Variants in DCDC2C observed in about 807,000 individuals in gnomAD.
DCDC2C encodes the protein doublecortin domain containing 2C, also known as doublecortin domain-containing protein 2C.
DCDC2C carries 44 observed loss-of-function variants against 45.0 expected under a neutral mutation model. The observed-to-expected ratio is 0.98, with a 90% confidence interval of 0.77 to 1.26. The LOEUF (loss-of-function observed/expected upper bound fraction) is 1.26. Ranked by LOEUF, DCDC2C falls within the 50% of genes most tolerant of loss-of-function variation. DCDC2C has a pLI of 0.00. For synonymous variants in DCDC2C, 187 were observed against 178.8 expected (o/e 1.05, Z -0.37); for missense variants, 447 against 468.9 (o/e 0.95, Z 0.43).
chr2:3,750,705 C>T lies in DCDC2C; in HGVS notation c.546-2058C>T, dbSNP rs559038325. ...ACTCAGATGTCTGCCGGCGAGTTTT[C>T]CTGCAGTTTCTGTTCTTTGGCATCC... On this transcript the variant is annotated intron_variant, in intron 4 of 10. Coordinates refer to ENST00000399143, the MANE Select transcript of DCDC2C (RefSeq NM_001287444.2). Among the ~76,000 whole-genome samples the T allele has an allele frequency of 2.3e-4, 35 of 152,240 alleles. No individual in the cohort carries two copies. The South Asian group carries it at 3.5e-3, about 15-fold the overall frequency.
At chr2:3,731,993 C>T (rs1048170686) in intron 3 of DCDC2C, among the ~76,000 whole-genome samples, 4 of 151,832 alleles carry the variant, frequency 2.6e-5, no homozygotes, top group African/African-American at 9.7e-5. Context: ...CGGTAGGGGG[C>T]GGTGAGTGCA....
intron 6 of DCDC2C, among the ~76,000 whole-genome samples, chr2:3,755,978 ATGGGTAT>A (rs1238881657): frequency 6.6e-6 from 1 of 151,888 alleles, no homozygotes; most frequent in Non-Finnish European, 1.5e-5. Context: ...GGATGCATAC[ATGGGTAT>A]TCATATGGAA....
At chr2:3,715,310 A>C (rs1012792816) in intron 2 of DCDC2C, among the ~76,000 whole-genome samples, 4 of 152,080 alleles carry the variant, frequency 2.6e-5, no homozygotes, top group Admixed American at 6.5e-5. Flanking sequence ...TGTCCTACTA[A>C]ACTGCTCTCC....
chr2:3,740,482 A>G (rs542097292), intron 3 of DCDC2C, among the ~76,000 whole-genome samples: 1 of 152,340 alleles, frequency 6.6e-6, no homozygotes, highest in East Asian at 1.9e-4. Context: ...TATAAATTAA[A>G]TTTCTTAAAA....
chr2:3,814,350 G>A (rs1417364945), intron 10 of DCDC2C, among the ~76,000 whole-genome samples: 2 of 152,100 alleles, frequency 1.3e-5, no homozygotes, highest in African/African-American at 2.4e-5. Context: ...CAAAGTTCTT[G>A]TGCTGTTTTT....
At chr2:3,822,487 T>A (rs12989875) in intron 10 of DCDC2C, among the ~76,000 whole-genome samples, 31,605 of 151,856 alleles carry the variant, frequency 0.21, 3,774 homozygotes, top group African/African-American at 0.33. Flanking sequence ...TCTGATTTTA[T>A]CAATTTTAGT....
At chr2:3,800,219 G>A (rs1254594697) in intron 10 of DCDC2C, among the ~76,000 whole-genome samples, 4 of 152,198 alleles carry the variant, frequency 2.6e-5, no homozygotes, top group African/African-American at 7.2e-5. Context: ...GCCTCGCCCT[G>A]CTTCAGCTCG....
intron 3 of DCDC2C, among the ~76,000 whole-genome samples, chr2:3,735,927 A>G (rs1390340975): frequency 2.6e-5 from 4 of 151,944 alleles, no homozygotes; most frequent in African/African-American, 9.7e-5. Context: ...ATAGGGCAGT[A>G]CCTTTCAAGT....
intron 10 of DCDC2C, among the ~76,000 whole-genome samples, chr2:3,823,956 C>T (rs1159524287): frequency 1.3e-5 from 2 of 152,198 alleles, no homozygotes; most frequent in East Asian, 1.9e-4. Context: ...AACTCATCAG[C>T]TGTGCTGCTG....
intron 10 of DCDC2C, among the ~76,000 whole-genome samples, chr2:3,833,503 A>G (rs1310638897): frequency 6.6e-6 from 1 of 152,112 alleles, no homozygotes; most frequent in East Asian, 1.9e-4. Context: ...TACCATTTCC[A>G]TTGCCATTGT....
chr2:3,809,537 A>G (rs1028848206), intron 10 of DCDC2C, among the ~76,000 whole-genome samples: 2 of 152,260 alleles, frequency 1.3e-5, no homozygotes, highest in African/African-American at 4.8e-5. Flanking sequence ...AAACATATAG[A>G]AAAACTATTG....
chr2:3,742,861 A>G (rs1669256463), intron 4 of DCDC2C, among the ~76,000 whole-genome samples: 1 of 152,220 alleles, frequency 6.6e-6, no homozygotes, highest in African/African-American at 2.4e-5. Flanking sequence ...AATACTTTAC[A>G]GACCAGGCAA....
At chr2:3,806,712 T>C (rs937955489) in intron 10 of DCDC2C, among the ~76,000 whole-genome samples, 2 of 151,882 alleles carry the variant, frequency 1.3e-5, no homozygotes, top group Non-Finnish European at 2.9e-5. Context: ...CTGGCTAATT[T>C]TTTTTTTTGT....
chr2:3,716,302 T>A (rs1668347906), intron 2 of DCDC2C, among the ~76,000 whole-genome samples: 1 of 151,882 alleles, frequency 6.6e-6, no homozygotes, highest in African/African-American at 2.4e-5. Flanking sequence ...AAAGTCCAGG[T>A]GAGTGCAGGA....
At chr2:3,773,274 C>T (rs1366524834) in intron 8 of DCDC2C, among the ~76,000 whole-genome samples, 1 of 152,066 alleles carries the variant, frequency 6.6e-6, no homozygotes, top group African/African-American at 2.4e-5. Flanking sequence ...AGGCTGCATT[C>T]CCTCCTTTCT....
intron 3 of DCDC2C, among the ~76,000 whole-genome samples, chr2:3,739,546 G>A (rs1185830043): frequency 2.0e-5 from 3 of 152,244 alleles, no homozygotes; most frequent in Non-Finnish European, 2.9e-5. Flanking sequence ...CCGGCACACC[G>A]GCAGGCCGCC....
At chr2:3,723,337 G>A (rs1668546596) in intron 2 of DCDC2C, among the ~76,000 whole-genome samples, 1 of 152,226 alleles carries the variant, frequency 6.6e-6, no homozygotes, top group South Asian at 2.1e-4. Context: ...AACTGCAGGT[G>A]TGTGACTGGG....
intron 4 of DCDC2C, among the ~76,000 whole-genome samples, chr2:3,748,021 G>A (rs931283571): frequency 1.3e-5 from 2 of 152,100 alleles, no homozygotes; most frequent in African/African-American, 4.8e-5. Context: ...CCATCAGAGG[G>A]ACCCTCAGGC....
chr2:3,814,166 T>G (rs962879562), intron 10 of DCDC2C, among the ~76,000 whole-genome samples: 1 of 152,186 alleles, frequency 6.6e-6, no homozygotes, highest in Non-Finnish European at 1.5e-5. Flanking sequence ...TCCAGTCAAT[T>G]GTAGGTTCAG....
Sources: allele counts gnomAD v4.1 joint callset (sites outside exome capture counted in the v4.1 genomes callset), GRCh38; gene constraint gnomAD v4.1.1; transcripts MANE v1.5; gene names NCBI Gene and HGNC (gene_info 2026-07-23, HGNC 2026-07-21).